The following ATP2B3 variants were observed in gnomAD, a reference collection of about 807,000 sequenced individuals.
The protein encoded by ATP2B3 is ATPase plasma membrane Ca2+ transporting 3, also known as plasma membrane calcium-transporting ATPase 3.
In ATP2B3, 12 loss-of-function variants were observed where a neutral mutation model predicts 70.8. The ratio of observed to expected loss-of-function variants is 0.17; its 90% CI spans 0.11 to 0.27. The LOEUF is 0.27. ATP2B3 is among the 10% of genes least tolerant of loss of function. The pLI is 1.00. For missense variants in ATP2B3, 858 were observed against 1,118.5 expected (o/e 0.77, Z 3.32); for synonymous variants, 460 against 497.8 (o/e 0.92, Z 1.01).
At chrX:153,547,268 G>A (rs1258715870) in intron 8 of ATP2B3, among the ~76,000 whole-genome samples, 1 of 110,617 alleles carries the variant, frequency 9.0e-6, no homozygotes, top group African/African-American at 3.3e-5. Context: ...CCATGTCGAG[G>A]GCAGCAAGGA....
At chrX:153,550,416 C>T in intron 12 of ATP2B3, 130 bp downstream of exon 12, 3 of 1,010,379 alleles carry the variant, frequency 3.0e-6, no homozygotes, top group Non-Finnish European at 4.0e-6. Context: ...GCATTAAGCA[C>T]GTTCACAATA....
Position 153,560,724 on chromosome X carries a change from C to T in ATP2B3, c.2888C>T (p.Ser963Leu). 2.5e-6 allele frequency: 3 copies of T among 1,212,146 alleles called. No individual in the cohort carries two copies. The highest frequency in any genetic ancestry group is 3.3e-6 in the Non-Finnish European group (3 of 895,625). Residue 963 changes from serine (S) to leucine (L), a missense_variant, in exon 19 of 22, where the codon TCG (serine) becomes TTG (leucine). Transcript: ENST00000263519. The stretch of plus-strand genomic sequence containing the variant: ...AGCGGGAGGAATGCGCCCCTGCACT[C>T]GCCACCCTCAGAGCACTACACCATC... Reference protein sequence around the residue: ...IDSGRNAPLHSPPSEHYTIIF... With the variant: ...IDSGRNAPLHLPPSEHYTIIF...
chrX:153,544,291 C>T (rs1166331763), intron 7 of ATP2B3, among the ~76,000 whole-genome samples: 1 of 112,573 alleles, frequency 8.9e-6, no homozygotes, highest in Non-Finnish European at 1.9e-5. Flanking sequence ...ATGTCTTGCA[C>T]ACAATGGCCC....
chrX:153,533,428 G>C (rs1386704121), intron 2 of ATP2B3, among the ~76,000 whole-genome samples: 3 of 111,380 alleles, frequency 2.7e-5, no homozygotes, highest in African/African-American at 9.8e-5. Context: ...AGAGCTGGCA[G>C]GGCTGTGTGG....
intron 3 of ATP2B3, among the ~76,000 whole-genome samples, chrX:153,538,548 C>A (rs2090229490): frequency 8.8e-6 from 1 of 113,109 alleles, no homozygotes. Flanking sequence ...CCGCCCAGTG[C>A]CCCTCTGGGC....
rs369249946 is a variant in ATP2B3, at chrX:153,541,385, G to C, written c.235G>C (p.Glu79Gln). 7.4e-6 allele frequency: 9 copies of C among 1,211,937 alleles called. No individual in the cohort carries two copies. Among genetic ancestry groups the C allele is most frequent in the Middle Eastern group, 2.3e-4 (1 of 4,354 alleles). Residue 79 changes from glutamate (E) to glutamine (Q), a missense_variant, in exon 4 of 22, where the codon GAG (glutamate) becomes CAG (glutamine). By Grantham distance (29) the Glu-to-Gln change is conservative. Transcript: ENST00000263519. ...CCTGGCGGACAACACCAATGACCTGGAGAAGCGCAGGCAGATCTACGGGCA... is the reference window on the plus strand; with the variant it reads ...CCTGGCGGACAACACCAATGACCTGCAGAAGCGCAGGCAGATCTACGGGCA... The part of the protein sequence containing the change: ...EGLADNTNDL[E>Q]KRRQIYGQNF...
Position 153,582,721 on chromosome X carries a change from T to C in ATP2B3, c.*2423T>C, listed in dbSNP as rs1300952916. ...TTGGGAAGCCCCTCTTTATAAAGCATTATATTACTTGGAATGGCTTGGTCA... is the reference window on the plus strand; with the variant it reads ...TTGGGAAGCCCCTCTTTATAAAGCACTATATTACTTGGAATGGCTTGGTCA... On this transcript the variant is annotated 3_prime_UTR_variant, in exon 22 of 22. Coordinates refer to ENST00000263519, the MANE Select transcript of ATP2B3 (RefSeq NM_001001344.3). 8.9e-6 allele frequency: 1 copy of C among 112,739 alleles called. No individual in the cohort carries two copies. Among genetic ancestry groups the C allele is most frequent in the Non-Finnish European group, 1.9e-5 (1 of 53,296 alleles). The allele number at this position is 112,739 out of a possible 1,213,427, so 9.3% of individuals were successfully genotyped here. A position where few individuals can be genotyped will look rare whatever the true frequency, so the allele number is the denominator to read the frequency against.
intron 10 of ATP2B3, 29 bp downstream of exon 10, chrX:153,548,883 T>C (rs375601156): frequency 2.2e-5 from 26 of 1,181,144 alleles, no homozygotes; most frequent in South Asian, 3.6e-5. Flanking sequence ...GTTGATACTG[T>C]TTACAGACTC....
At chrX:153,518,405 A>C (rs2089908484) in intron 1 of ATP2B3, among the ~76,000 whole-genome samples, 27 bp from the exon 2 acceptor site, 1 of 112,642 alleles carries the variant, frequency 8.9e-6, no homozygotes, top group African/African-American at 3.2e-5. Context: ...CCGGGGCCGC[A>C]CTTAGGTAAC....
chrX:153,518,502 T>C lies in ATP2B3; in HGVS notation c.-176T>C, dbSNP rs782207083. Among the ~76,000 whole-genome samples the C allele has an allele frequency of 8.9e-6, 1 of 112,942 alleles. No homozygotes were observed. Among genetic ancestry groups the C allele is most frequent in the Non-Finnish European group, 1.9e-5 (1 of 53,302 alleles). On this transcript the variant is annotated 5_prime_UTR_variant, in exon 2 of 22. Coordinates refer to ENST00000263519, the MANE Select transcript of ATP2B3 (RefSeq NM_001001344.3). ...GCTTTTCCTGTGGCCGCCTGCGTTT[T>C]CTCACGGGTGAAAGCTCTGGCTTTA...
At chrX:153,574,182 T>C (rs1480608571) in intron 21 of ATP2B3, among the ~76,000 whole-genome samples, 38 of 112,796 alleles carry the variant, frequency 3.4e-4, no homozygotes, top group African/African-American at 1.2e-3. Context: ...ATGGTTCCTA[T>C]TGCCACAGGC....
chrX:153,561,994 C>T (rs959706721), intron 19 of ATP2B3, 141 bp from the exon 20 acceptor site: 80 of 560,998 alleles, frequency 1.4e-4, no homozygotes, highest in Non-Finnish European at 2.2e-4. Context: ...ATCACGCCCC[C>T]GGCCTTGTGG....
chrX:153,535,314 G>A (rs2090175072), intron 2 of ATP2B3, among the ~76,000 whole-genome samples: 1 of 112,148 alleles, frequency 8.9e-6, no homozygotes, highest in South Asian at 3.7e-4. Context: ...CTGGAGGGAA[G>A]AAGAGCGTGG....
Position 153,535,887 on chromosome X carries a change from C to G in ATP2B3, c.-126-235C>G, listed in dbSNP as rs148930758. Among the ~76,000 whole-genome samples, 90 of 112,746 alleles carry G rather than the reference C, an allele frequency of 8.0e-4. 1 individual carries two copies. The highest frequency in any genetic ancestry group is 2.0e-3 in the Admixed American group (22 of 10,784). On this transcript the variant is annotated intron_variant, in intron 2 of 21. Transcript: ENST00000263519. ...GGAGGCATCGACACTTCCCCTCCCC[C>G]ACCTGGGCAAGCCCTCCAGGTTCTG...
intron 2 of ATP2B3, among the ~76,000 whole-genome samples, chrX:153,519,372 T>C (rs936199727): frequency 9.9e-5 from 11 of 111,394 alleles, no homozygotes; most frequent in Non-Finnish European, 1.7e-4. Flanking sequence ...GGGGAGAGGT[T>C]ATCGTAATAA....
chrX:153,559,574 C>T, intron 17 of ATP2B3, 155 bp from the exon 18 acceptor site: 1 of 480,449 alleles, frequency 2.1e-6, no homozygotes, highest in East Asian at 3.7e-5. Flanking sequence ...GCCCCACTAG[C>T]GTAAAGGCGA....
chrX:153,579,879 C>G, intron 21 of ATP2B3, 99 bp from the exon 22 acceptor site: 7 of 774,122 alleles, frequency 9.0e-6, no homozygotes, highest in South Asian at 2.5e-5. Context: ...CTGTCTCCTT[C>G]CTTCCTTCCT....
At chrX:153,547,704 G>A in intron 8 of ATP2B3, 131 bp from the exon 9 acceptor site, 1 of 830,968 alleles carries the variant, frequency 1.2e-6, no homozygotes. Flanking sequence ...GATAGACTTG[G>A]AAATAGGAGA....
chrX:153,534,131 A>G (rs2090155446), intron 2 of ATP2B3, among the ~76,000 whole-genome samples: 1 of 111,256 alleles, frequency 9.0e-6, no homozygotes, highest in Admixed American at 9.5e-5. Context: ...AGGTGACTGG[A>G]GCTCAGGAAG....
Sources: allele counts gnomAD v4.1 joint callset (sites outside exome capture counted in the v4.1 genomes callset), GRCh38; gene constraint gnomAD v4.1.1; transcripts MANE v1.5; gene names NCBI Gene and HGNC (gene_info 2026-07-23, HGNC 2026-07-21).